The following FBN3 variants were observed in gnomAD, a reference collection of about 807,000 sequenced individuals.
FBN3 encodes fibrillin 3.
Under a neutral mutation model 330.1 loss-of-function variants are expected in FBN3, and 234 were observed. The ratio of observed to expected loss-of-function variants is 0.71; its 90% CI spans 0.64 to 0.79. FBN3 has a LOEUF of 0.79. Ranked by LOEUF, FBN3 falls within the 30% of genes least tolerant of loss-of-function variation. The pLI is 0.00. For synonymous variants in FBN3, 1,458 were observed against 1,517.3 expected (o/e 0.96, Z 0.91); for missense variants, 3,606 against 3,886.9 (o/e 0.93, Z 1.92).
In FBN3 at chr19:8,081,397, G is replaced by A; in HGVS notation, c.7297C>T (p.Arg2433Ter). The A allele has an allele frequency of 3.1e-6, 5 of 1,611,846 alleles. No homozygotes were observed. The highest frequency in any genetic ancestry group is 2.2e-5 in the East Asian group (1 of 44,878). Reference sequence around the variant, plus strand: ...CCATCCTCCTCCAGCAGGTAGCCTCGGGGACAGCTGCACAGGAAACTGCCC... The same window carrying A: ...CCATCCTCCTCCAGCAGGTAGCCTCAGGGACAGCTGCACAGGAAACTGCCC... ...TKGSFLCSCP[R>*]GYLLEEDGRT... The change falls in exon 58 of 64, where the codon CGA becomes TGA. Residue 2433 changes from arginine to a stop codon, truncating the protein, a stop_gained. Coordinates refer to ENST00000600128, the MANE Select transcript of FBN3 (RefSeq NM_032447.5). LOFTEE classifies it high-confidence loss of function.
In FBN3 at chr19:8,126,454, AAGG is replaced by A. The variant is rs2082987784; in HGVS notation, c.2554+11_2554+13del. The A allele has an allele frequency of 6.2e-7, 1 of 1,608,694 alleles. No individual in the cohort carries two copies. The highest frequency in any genetic ancestry group is 2.2e-5 in the East Asian group (1 of 44,530). ...TTCCCATGGGTGCCTGGGAGGCCTCAAGGAGGATACTACCGATCTCGCAGCGTT... is the reference window on the plus strand; with the variant it reads ...TTCCCATGGGTGCCTGGGAGGCCTCAAGGATACTACCGATCTCGCAGCGTT... On this transcript the variant is annotated intron_variant, in intron 20 of 63. Coordinates refer to ENST00000600128, the MANE Select transcript of FBN3 (RefSeq NM_032447.5).
rs749368441 is a variant in FBN3, at chr19:8,133,020, C to T, written c.1678G>A (p.Gly560Ser). 79 of 1,582,502 alleles carry T rather than the reference C, an allele frequency of 5.0e-5. No homozygotes were observed. The highest frequency in any genetic ancestry group is 2.2e-4 in the Admixed American group (12 of 55,060). The stretch of plus-strand genomic sequence containing the variant: ...TGGCCGCCAGGCGCCAGCAGGAAGC[C>T]GGGTTTGCAGAGGCAGGAGAAGCTG... ...DGSFSCLCKP[G>S]FLLAPGGHYC... Residue 560 changes from glycine to serine, a missense_variant, in exon 14 of 64, where the codon GGC becomes AGC. Gly to Ser is a moderately conservative substitution (Grantham distance 56). Coordinates refer to ENST00000600128, the MANE Select transcript of FBN3 (RefSeq NM_032447.5).
intron 1 of FBN3, among the ~76,000 whole-genome samples, chr19:8,147,924 A>C (rs936818104): frequency 2.0e-5 from 3 of 151,622 alleles, no homozygotes; most frequent in African/African-American, 7.3e-5. Flanking sequence ...GAAGGGCAGC[A>C]GGGTCCCGGG....
chr19:8,081,597 A>T (rs1385706846), intron 57 of FBN3, 117 bp from the exon 58 acceptor site: 19 of 1,194,310 alleles, frequency 1.6e-5, no homozygotes, highest in Non-Finnish European at 2.1e-5. Context: ...CTTACACAGG[A>T]ATGAACACTT....
chr19:8,115,540 G>T lies in FBN3; in HGVS notation c.3813C>A (p.Val1271=). The change falls in exon 30 of 64, where the codon GTC becomes GTA. Residue 1271 remains valine, a synonymous_variant. Transcript: ENST00000600128. ...CAGAGCAGCCTGTGGCCCCCTTCCT[G>T]ACCATGTAGCCCAGCTGACAGTGGC... ...FVCHCQLGYM[V]RKGATGCSDV... is the part of the protein sequence containing the mutation. The T allele has an allele frequency of 1.2e-6, 2 of 1,614,014 alleles. No homozygotes were observed. The highest frequency in any genetic ancestry group is 1.1e-5 in the South Asian group (1 of 91,064).
At chr19:8,092,785 T>C (rs1481406389) in intron 47 of FBN3, among the ~76,000 whole-genome samples, 1 of 151,452 alleles carries the variant, frequency 6.6e-6, no homozygotes, top group Non-Finnish European at 1.5e-5. Flanking sequence ...GAGGCCGTTA[T>C]TCTAAGTGAA....
rs1186789031 is a variant in FBN3, at chr19:8,129,794, T to C, written c.2045-429A>G. 6.6e-6 allele frequency among the ~76,000 whole-genome samples: 1 copy of C among 152,176 alleles called. No homozygotes were observed. The highest frequency in any genetic ancestry group is 2.4e-5 in the African/African-American group (1 of 41,450). ...AATTATAGGCCAGATATGATGGCTG[T>C]CACCTATAATCCCACCACTTTGGGA... On this transcript the variant is annotated intron_variant, in intron 16 of 63. Transcript: ENST00000600128. This position sits in a 1 kb window ranked among gnomAD's most constrained non-coding sequence, Gnocchi z 4.5.
At chr19:8,069,752 A>G (rs2081472818) in intron 63 of FBN3, among the ~76,000 whole-genome samples, 1 of 152,162 alleles carries the variant, frequency 6.6e-6, no homozygotes, top group Non-Finnish European at 1.5e-5. Context: ...CAGCTGGCTA[A>G]TATTTTTACT....
Position 8,149,450 on chromosome 19 carries a change from T to C in FBN3, c.-19A>G, listed in dbSNP as rs1177081428. On this transcript the variant is annotated splice_region_variant and 5_prime_UTR_variant, in exon 1 of 64. Coordinates refer to ENST00000600128, the MANE Select transcript of FBN3 (RefSeq NM_032447.5). The surrounding 1 kb of genome is among the most constrained non-coding windows in gnomAD (Gnocchi z 5.5). ...CGCTGGCCCCGCGCCTTCACCTACC[T>C]GCGAGGCGGCGCGCGTGGAGGCGGG... The C allele has an allele frequency of 6.6e-6, 1 of 151,884 alleles. No homozygotes were observed. The highest frequency in any genetic ancestry group is 1.5e-5 in the Non-Finnish European group (1 of 67,948). 9.4% of individuals were successfully genotyped at this position (151,884 alleles called of 1,614,324 possible).
At chr19:8,126,177 G>T in intron 21 of FBN3, 120 bp downstream of exon 21, 2 of 1,413,556 alleles carry the variant, frequency 1.4e-6, no homozygotes, top group Non-Finnish European at 2.0e-6. Flanking sequence ...TAGGGAGAAC[G>T]TCTGTCCCCA....
In FBN3 at chr19:8,081,064, A is replaced by G; in HGVS notation, c.7392T>C (p.Thr2464=). 2 of 1,613,638 alleles carry G rather than the reference A, an allele frequency of 1.2e-6. No individual in the cohort carries two copies. The highest frequency in any genetic ancestry group is 1.3e-5 in the African/African-American group (1 of 75,028). Residue 2464 remains threonine (T), a synonymous_variant, in exon 59 of 64, where the codon ACT becomes ACC. Transcript: ENST00000600128. ...QHNCQFLCVN[T]VGAFTCRCPP... is the part of the protein sequence containing the mutation. ...GACAGCGGCAGGTGAAGGCGCCCAC[A>G]GTGTTGACACAGAGGAACTGACAGT...
rs1158939118 is a variant in FBN3, at chr19:8,075,287, A to T, written c.7578T>A (p.Cys2526Ter). The change falls in exon 60 of 64, where the codon TGT becomes TGA. Residue 2526 changes from cysteine to a stop codon, truncating the protein, a stop_gained. Coordinates refer to ENST00000600128, the MANE Select transcript of FBN3 (RefSeq NM_032447.5). LOFTEE classifies it high-confidence loss of function. ...GFTLVSSGHG[C>*]EDVNECDGPH... is the part of the protein sequence containing the mutation. ...CCAGCCAAAGCTGGGCTGTACCTTCACAGCCATGGCCTGAGCTGACCAGGG... is the reference window on the plus strand; with the variant it reads ...CCAGCCAAAGCTGGGCTGTACCTTCTCAGCCATGGCCTGAGCTGACCAGGG... The T allele has an allele frequency of 1.2e-6, 2 of 1,611,260 alleles. No individual in the cohort carries two copies. The highest frequency in any genetic ancestry group is 1.7e-6 in the Non-Finnish European group (2 of 1,178,026).
chr19:8,093,083 A>G (rs1198701956), intron 47 of FBN3, among the ~76,000 whole-genome samples: 1 of 152,126 alleles, frequency 6.6e-6, no homozygotes, highest in Admixed American at 6.6e-5. Flanking sequence ...ATAGAAAAAA[A>G]AAATTTAAAC....
intron 39 of FBN3, 74 bp downstream of exon 39, chr19:8,103,488 G>A: frequency 6.7e-7 from 1 of 1,494,408 alleles, no homozygotes; most frequent in Admixed American, 1.8e-5. Context: ...AGGCTTGAAG[G>A]CTCCCAGCAG....
intron 18 of FBN3, among the ~76,000 whole-genome samples, chr19:8,127,497 A>T (rs1313257343): frequency 6.6e-6 from 1 of 152,084 alleles, no homozygotes; most frequent in Non-Finnish European, 1.5e-5. Context: ...TTCAATTCTG[A>T]CGCTTTCTGC....
chr19:8,081,934 T>TCCTCCCTC (rs200603068), intron 57 of FBN3, among the ~76,000 whole-genome samples: 3 of 150,302 alleles, frequency 2.0e-5, no homozygotes, highest in Non-Finnish European at 4.4e-5. Flanking sequence ...AACGAAAGGA[T>TCCTCCCTC]CCTCCCTCCC....
Position 8,096,710 on chromosome 19 carries a change from G to T in FBN3, c.5414-141C>A, listed in dbSNP as rs3813781. The T allele has an allele frequency of 9.1e-6, 12 of 1,322,302 alleles. No individual in the cohort carries two copies. The highest frequency in any genetic ancestry group is 2.1e-5 in the Admixed American group (1 of 47,496). 81.9% of individuals were successfully genotyped at this position (1,322,302 alleles called of 1,614,324 possible). A position where few individuals can be genotyped will look rare whatever the true frequency, so the allele number is the denominator to read the frequency against. On this transcript the variant is annotated intron_variant, in intron 43 of 63. Coordinates refer to ENST00000600128, the MANE Select transcript of FBN3 (RefSeq NM_032447.5). The surrounding 1 kb of genome is among the most constrained non-coding windows in gnomAD (Gnocchi z 4.6). ...ACCAGGGGCGTCAGGCTGTCTGCAT[G>T]GACCTGAGCTCTCACCTCTATCACA...
rs748194139 is a variant in FBN3 at position 8,094,509 on chromosome 19, G to A, written c.5842C>T (p.Leu1948Phe). Residue 1948 changes from leucine to phenylalanine, a missense_variant, in exon 47 of 64, where the codon CTC becomes TTC. Transcript: ENST00000600128. Reference protein sequence around the residue: ...GTCLPGTCQNLEGSFRCICPP... With the variant: ...GTCLPGTCQNFEGSFRCICPP... Reference sequence around the variant, plus strand: ...CAGATGCAGCGGAAGGAGCCCTCGAGGTTCTGGCAAGTGCCGGGTAGGCAG... The same window carrying A: ...CAGATGCAGCGGAAGGAGCCCTCGAAGTTCTGGCAAGTGCCGGGTAGGCAG... The A allele has an allele frequency of 2.5e-6, 4 of 1,614,046 alleles. No homozygotes were observed. The highest frequency in any genetic ancestry group is 1.1e-5 in the South Asian group (1 of 91,060).
chr19:8,083,418 C>T (rs762254376), intron 56 of FBN3, 46 bp from the exon 57 acceptor site: 21 of 1,607,586 alleles, frequency 1.3e-5, no homozygotes, highest in Non-Finnish European at 1.7e-5. Context: ...CTGCTTCGCG[C>T]CTCCACCGAG....
Sources: gnomAD v4.1 joint callset for allele counts (sites outside exome capture counted in the v4.1 genomes callset) on GRCh38, gnomAD v4.1.1 for gene constraint, Gnocchi (gnomAD v3.1) non-coding constraint, MANE v1.5 for transcripts, NCBI Gene and HGNC (gene_info 2026-07-23, HGNC 2026-07-21) for gene names.